Variants in AGBL4 observed in about 807,000 individuals in gnomAD.
AGBL4 encodes the protein AGBL carboxypeptidase 4.
A neutral mutation model predicts 66.4 loss-of-function variants in AGBL4; 58 were observed. That is an observed-to-expected ratio of 0.87 (90% CI 0.71 to 1.09). AGBL4 has a LOEUF of 1.09. AGBL4 is among the 50% of genes least tolerant of loss of function. The pLI, the probability that AGBL4 is intolerant of heterozygous loss-of-function variation, is 0.00. For missense variants in AGBL4, 579 were observed against 631.0 expected, an observed-to-expected ratio of 0.92 and a Z score of 0.88; for synonymous variants, 234 against 222.9, an observed-to-expected ratio of 1.05 and a Z score of -0.44.
At chr1:49,104,757 A>G (rs1206264064) in intron 4 of AGBL4, among the ~76,000 whole-genome samples, 1 of 152,176 alleles carries the variant, frequency 6.6e-6, no homozygotes, top group African/African-American at 2.4e-5. Context: ...CTAGGCATGA[A>G]CGGGCTCCAG....
intron 3 of AGBL4, among the ~76,000 whole-genome samples, chr1:49,377,138 C>T (rs1225597047): frequency 1.3e-5 from 2 of 151,966 alleles, no homozygotes; most frequent in Non-Finnish European, 2.9e-5. Context: ...GAATATAAAA[C>T]AGTTAAATAT....
At chr1:49,010,080 A>C (rs1451226336) in intron 5 of AGBL4, among the ~76,000 whole-genome samples, 1 of 152,214 alleles carries the variant, frequency 6.6e-6, no homozygotes, top group Non-Finnish European at 1.5e-5. Flanking sequence ...GAAAAGAGGA[A>C]GTCAAATTGT....
intron 1 of AGBL4, among the ~76,000 whole-genome samples, chr1:49,928,812 G>T (rs1653045571): frequency 6.6e-6 from 1 of 151,172 alleles, no homozygotes; most frequent in African/African-American, 2.4e-5. Flanking sequence ...CCCATTACCG[G>T]TATATCCTCA....
chr1:49,952,090 T>A (rs1485235000), intron 1 of AGBL4, among the ~76,000 whole-genome samples: 1 of 151,788 alleles, frequency 6.6e-6, no homozygotes, highest in African/African-American at 2.4e-5. Context: ...GTGATAATGG[T>A]TGTACAACAT....
chr1:48,716,321 G>C (rs895763536), intron 6 of AGBL4, among the ~76,000 whole-genome samples: 9 of 152,118 alleles, frequency 5.9e-5, no homozygotes, highest in African/African-American at 1.2e-4. Context: ...AACAGACTTG[G>C]ATTTGAATCC....
intron 9 of AGBL4, among the ~76,000 whole-genome samples, chr1:48,594,078 C>T (rs988655404): frequency 1.3e-5 from 2 of 152,164 alleles, no homozygotes; most frequent in African/African-American, 4.8e-5. Context: ...GTAATCCCAG[C>T]ACTTTGGGAG....
chr1:49,228,538 T>A (rs1248692184), intron 4 of AGBL4, among the ~76,000 whole-genome samples: 1 of 152,158 alleles, frequency 6.6e-6, no homozygotes, highest in African/African-American at 2.4e-5. Flanking sequence ...CTAAGAAACT[T>A]TCCAGGCAAA....
intron 5 of AGBL4, among the ~76,000 whole-genome samples, chr1:48,982,908 A>ATGGT (rs1332426638): frequency 5.9e-5 from 9 of 152,058 alleles, no homozygotes; most frequent in Non-Finnish European, 1.3e-4. Context: ...CTTGTGTGAG[A>ATGGT]TGGTATCTCA....
chr1:49,417,214 C>T (rs144098584), intron 3 of AGBL4, among the ~76,000 whole-genome samples: 58 of 152,084 alleles, frequency 3.8e-4, no homozygotes, highest in African/African-American at 1.3e-3. Flanking sequence ...GAATTCAGTG[C>T]TAGAAACAAG....
chr1:48,810,214 G>A (rs1295847296), intron 6 of AGBL4, among the ~76,000 whole-genome samples: 1 of 152,206 alleles, frequency 6.6e-6, no homozygotes, highest in Non-Finnish European at 1.5e-5. Flanking sequence ...AGGTGCTTCT[G>A]ATCTGGGGAT....
intron 2 of AGBL4, among the ~76,000 whole-genome samples, chr1:49,824,432 T>C (rs1645454278): frequency 6.6e-6 from 1 of 152,182 alleles, no homozygotes; most frequent in African/African-American, 2.4e-5. Context: ...AGCCTCACGA[T>C]TTGTCAAATG....
intron 5 of AGBL4, among the ~76,000 whole-genome samples, chr1:48,896,888 A>C (rs959338243): frequency 2.0e-5 from 3 of 152,168 alleles, no homozygotes; most frequent in Admixed American, 6.5e-5. Context: ...TTTTGGGACT[A>C]GTTCTGAATG....
intron 3 of AGBL4, among the ~76,000 whole-genome samples, chr1:49,248,071 T>G (rs1015812580): frequency 2.0e-5 from 3 of 152,174 alleles, no homozygotes; most frequent in African/African-American, 7.2e-5. Flanking sequence ...CAACATCGCT[T>G]GTGGTGGAGA....
At chr1:48,620,428 C>A (rs940456555) in intron 9 of AGBL4, among the ~76,000 whole-genome samples, 3 of 152,062 alleles carry the variant, frequency 2.0e-5, no homozygotes, top group African/African-American at 7.2e-5. Flanking sequence ...AGGTGCGCAC[C>A]ATCATGCTCG....
chr1:49,748,019 A>T (rs541155806), intron 2 of AGBL4, among the ~76,000 whole-genome samples: 133 of 151,906 alleles, frequency 8.8e-4, no homozygotes, highest in African/African-American at 3.1e-3. Flanking sequence ...TTTTTTAATT[A>T]TACTTTAAGT....
At chr1:49,540,259 C>T (rs1446413281) in intron 3 of AGBL4, among the ~76,000 whole-genome samples, 1 of 152,118 alleles carries the variant, frequency 6.6e-6, no homozygotes, top group Admixed American at 6.5e-5. Context: ...TTAAATATAT[C>T]TTATCTTTTT....
At chr1:49,384,899 T>G in intron 3 of AGBL4, among the ~76,000 whole-genome samples, 1 of 152,186 alleles carries the variant, frequency 6.6e-6, no homozygotes. Context: ...AAGAATTATT[T>G]GCACACTCAT....
At chr1:49,236,029 TATTG>T (rs1192752996) in intron 4 of AGBL4, among the ~76,000 whole-genome samples, 4 of 149,488 alleles carry the variant, frequency 2.7e-5, no homozygotes. Flanking sequence ...TTTATTTATT[TATTG>T]ATGATTGATT....
In AGBL4 at chr1:48,740,958, A is replaced by G. The variant is rs141985329; in HGVS notation, c.635-77717T>C. On this transcript the variant is annotated intron_variant, in intron 6 of 13. Transcript: ENST00000371839. ...GCAACATGCTGGCAAAAACCAATGAAAAAACAAAATAGGCATTTTCAAGAT... is the reference window on the plus strand; with the variant it reads ...GCAACATGCTGGCAAAAACCAATGAGAAAACAAAATAGGCATTTTCAAGAT... Among the ~76,000 whole-genome samples the G allele has an allele frequency of 4.8e-3, 736 of 152,356 alleles. 14 individuals carry two copies. The highest frequency in any genetic ancestry group is 0.039 in the East Asian group (203 of 5,180).
Sources: allele counts gnomAD v4.1 joint callset (sites outside exome capture counted in the v4.1 genomes callset), GRCh38; gene constraint gnomAD v4.1.1; transcripts MANE v1.5; gene names NCBI Gene and HGNC (gene_info 2026-07-23, HGNC 2026-07-21).